The following DLG2 variants were observed in gnomAD, a reference collection of about 807,000 sequenced individuals.
DLG2 encodes disks large homolog 2.
Under a neutral mutation model 132.5 loss-of-function variants are expected in DLG2, and 45 were observed. That is an observed-to-expected ratio of 0.34 (90% CI 0.27 to 0.44). The LOEUF is 0.44. DLG2 is among the 20% of genes least tolerant of loss of function. The pLI, the probability that DLG2 is intolerant of heterozygous loss-of-function variation, is 1.00. For synonymous variants in DLG2, 424 were observed against 419.6 expected (o/e 1.01, Z -0.13); for missense variants, 1,045 against 1,196.9 (o/e 0.87, Z 1.87).
intron 9 of DLG2, among the ~76,000 whole-genome samples, chr11:84,113,684 T>A (rs1343175452): frequency 6.6e-6 from 1 of 152,186 alleles, no homozygotes; most frequent in East Asian, 1.9e-4. Flanking sequence ...TTGGAGAATC[T>A]GCATAGCTCA....
intron 5 of DLG2, among the ~76,000 whole-genome samples, chr11:85,145,033 T>C (rs978492036): frequency 1.8e-4 from 28 of 152,142 alleles, no homozygotes; most frequent in Non-Finnish European, 3.4e-4. Flanking sequence ...TCAGCTGTTA[T>C]TTGACTTGTA....
At chr11:84,706,647 C>T (rs1241113001) in intron 6 of DLG2, among the ~76,000 whole-genome samples, 2 of 148,104 alleles carry the variant, frequency 1.4e-5, no homozygotes, top group African/African-American at 2.5e-5. Flanking sequence ...AGAAAGTAAT[C>T]TTGACTTGTA....
chr11:84,215,616 A>T (rs1367354381), intron 8 of DLG2, among the ~76,000 whole-genome samples: 1 of 152,194 alleles, frequency 6.6e-6, no homozygotes, highest in African/African-American at 2.4e-5. Flanking sequence ...CTACATGCTC[A>T]TGAAAGAGAG....
intron 4 of DLG2, among the ~76,000 whole-genome samples, chr11:85,274,914 T>C (rs919598660): frequency 1.3e-5 from 2 of 152,204 alleles, no homozygotes; most frequent in Admixed American, 6.5e-5. Context: ...TTTATTAGCA[T>C]TGGATCATAC....
At chr11:85,123,353 G>A (rs2074671254) in intron 5 of DLG2, among the ~76,000 whole-genome samples, 1 of 151,986 alleles carries the variant, frequency 6.6e-6, no homozygotes, top group Non-Finnish European at 1.5e-5. Context: ...AGGAAAGGTA[G>A]GAAGACAAAT....
Position 83,599,013 on chromosome 11 carries a change from A to C in DLG2, c.1940+34198T>G, listed in dbSNP as rs2058085091. On this transcript the variant is annotated intron_variant, in intron 19 of 27. Transcript: ENST00000376104. ...GCTTAGGCCTAGTTTAGGGCCTCAC[A>C]ATTTCTAGCTTGGATTGCTGCAGCA... Among the ~76,000 whole-genome samples, 3 of 152,170 alleles carry C rather than the reference A, an allele frequency of 2.0e-5. No homozygotes were observed. The South Asian group carries it at 6.2e-4, about 32-fold the overall frequency.
In DLG2 at chr11:84,006,716, C is replaced by A. The variant is rs949454749; in HGVS notation, c.920-26074G>T. On this transcript the variant is annotated intron_variant, in intron 11 of 27. Coordinates refer to ENST00000376104, the MANE Select transcript of DLG2 (RefSeq NM_001142699.3). ...TTCTGTGTCATTGGTAATATGTTCT[C>A]TTTTTATAATAAAGCATCATTTATT... Among the ~76,000 whole-genome samples the A allele has an allele frequency of 9.2e-5, 14 of 151,546 alleles. No homozygotes were observed. The South Asian group carries it at 2.9e-3, about 31-fold the overall frequency.
At chr11:85,055,171 T>TA (rs1214473054) in intron 6 of DLG2, among the ~76,000 whole-genome samples, 3 of 152,112 alleles carry the variant, frequency 2.0e-5, no homozygotes, top group Non-Finnish European at 4.4e-5. Context: ...CACAATCATA[T>TA]AAAAAATTTC....
At position 83,564,102 on chromosome 11, in the gene DLG2, G is replaced by GTT. The variant is rs5793072; in HGVS notation, c.1941-22246_1941-22245dup. 9.0e-3 allele frequency among the ~76,000 whole-genome samples: 1,318 copies of GTT among 146,376 alleles called. 13 individuals carry two copies. Among genetic ancestry groups the GTT allele is most frequent in the African/African-American group, 0.024 (947 of 40,012 alleles). ...GTAATATAAACCTAATTTTTCATGT[G>GTT]TTTTTTTTTTTGTTTTCTATGATAA... On this transcript the variant is annotated intron_variant, in intron 19 of 27. Transcript: ENST00000376104.
intron 11 of DLG2, among the ~76,000 whole-genome samples, chr11:84,056,673 T>C (rs1594256463): frequency 6.6e-6 from 1 of 152,298 alleles, no homozygotes; most frequent in Middle Eastern, 3.4e-3. Context: ...CCACGAGGTA[T>C]CATCAGAGTT....
intron 16 of DLG2, among the ~76,000 whole-genome samples, chr11:83,866,179 T>C (rs1238086350): frequency 6.6e-6 from 1 of 152,148 alleles, no homozygotes; most frequent in Non-Finnish European, 1.5e-5. Flanking sequence ...ACAGAGTCAA[T>C]GTCTGCTTTG....
At chr11:84,090,346 G>A (rs1276507055) in intron 10 of DLG2, among the ~76,000 whole-genome samples, 5 of 150,052 alleles carry the variant, frequency 3.3e-5, no homozygotes, top group East Asian at 2.0e-4. Context: ...CCCAGGAGGC[G>A]GAGGTTGCAG....
At position 83,457,708 on chromosome 11, in the gene DLG2, A is replaced by G. The variant is rs1276547772; in HGVS notation, c.*2110T>C. ...AAATAGAGCTGGGATCAGGAATGGC[A>G]TTCTGGTGTCAGAAAACTTCTGGGA... On this transcript the variant is annotated 3_prime_UTR_variant, in exon 28 of 28. Coordinates refer to ENST00000376104, the MANE Select transcript of DLG2 (RefSeq NM_001142699.3). The G allele has an allele frequency of 6.6e-6, 1 of 152,428 alleles. No individual in the cohort carries two copies. The highest frequency in any genetic ancestry group is 1.5e-5 in the Non-Finnish European group (1 of 68,052). 9.4% of individuals were successfully genotyped at this position (152,428 alleles called of 1,614,324 possible).
intron 9 of DLG2, among the ~76,000 whole-genome samples, chr11:84,117,231 T>C (rs930183949): frequency 3.8e-4 from 58 of 152,224 alleles, no homozygotes; most frequent in African/African-American, 1.4e-3. Flanking sequence ...TGGCTTTATG[T>C]TCGGAGTATA....
chr11:85,113,211 G>T (rs961327427), intron 5 of DLG2, among the ~76,000 whole-genome samples: 2 of 151,986 alleles, frequency 1.3e-5, no homozygotes, highest in Non-Finnish European at 2.9e-5. Context: ...TTGGCCATGT[G>T]CTTGCTGCCA....
chr11:84,103,364 T>C (rs553378651), intron 9 of DLG2, among the ~76,000 whole-genome samples: 1 of 152,236 alleles, frequency 6.6e-6, no homozygotes, highest in South Asian at 2.1e-4. Context: ...TCAGCTCCTC[T>C]CTTCTCTGAG....
At chr11:85,446,482 T>A (rs912566042) in intron 3 of DLG2, among the ~76,000 whole-genome samples, 3 of 152,238 alleles carry the variant, frequency 2.0e-5, no homozygotes, top group Non-Finnish European at 4.4e-5. Flanking sequence ...GTAATTCTTA[T>A]GAAAATAAAT....
At chr11:84,194,701 C>T (rs1037308919) in intron 8 of DLG2, among the ~76,000 whole-genome samples, 1 of 152,214 alleles carries the variant, frequency 6.6e-6, no homozygotes, top group Non-Finnish European at 1.5e-5. Context: ...TTCTCCAAGT[C>T]TCAACCTGAC....
intron 6 of DLG2, among the ~76,000 whole-genome samples, chr11:85,073,664 A>T (rs1271085376): frequency 6.6e-6 from 1 of 151,870 alleles, no homozygotes; most frequent in East Asian, 1.9e-4. Context: ...ATATTAGATT[A>T]AGTCTTTCTG....
Sources: allele counts gnomAD v4.1 joint callset (sites outside exome capture counted in the v4.1 genomes callset), GRCh38; gene constraint gnomAD v4.1.1; transcripts MANE v1.5; gene names NCBI Gene and HGNC (gene_info 2026-07-23, HGNC 2026-07-21).